The following MACF1 variants were observed in gnomAD, a reference collection of about 807,000 sequenced individuals.
MACF1 encodes the protein microtubule actin crosslinking factor 1.
A neutral mutation model predicts 854.8 loss-of-function variants in MACF1; 193 were observed. The ratio of observed to expected loss-of-function variants is 0.23; its 90% confidence interval spans 0.20 to 0.25. The LOEUF (loss-of-function observed/expected upper bound fraction) is 0.25. MACF1 is among the 10% of genes least tolerant of loss of function. The pLI, the probability that MACF1 is intolerant of heterozygous loss-of-function variation, is 1.00. For missense variants in MACF1, 7,722 were observed against 8,929.1 expected, an observed-to-expected ratio of 0.86 and a Z score of 5.45; for synonymous variants, 3,185 against 3,226.7, an observed-to-expected ratio of 0.99 and a Z score of 0.44.
chr1:39,444,335 CAA>C (rs917074995), intron 79 of MACF1, among the ~76,000 whole-genome samples: 1 of 133,566 alleles, frequency 7.5e-6, no homozygotes, highest in Non-Finnish European at 1.6e-5. Flanking sequence ...GACTCCATCT[CAA>C]AAAAAAAAAA....
At chr1:39,195,134 A>G (rs1644304840) in intron 2 of MACF1, among the ~76,000 whole-genome samples, 1 of 152,142 alleles carries the variant, frequency 6.6e-6, no homozygotes, top group African/African-American at 2.4e-5. Flanking sequence ...AGATGGTTCG[A>G]CACCCTTGTT....
intron 2 of MACF1, among the ~76,000 whole-genome samples, chr1:39,244,408 A>G (rs983059785): frequency 2.0e-5 from 3 of 151,916 alleles, no homozygotes; most frequent in Admixed American, 2.0e-4. Flanking sequence ...TAGCCTCCTA[A>G]GTAGCTGGGA....
chr1:39,418,545 A>G (rs1643414872), intron 58 of MACF1, among the ~76,000 whole-genome samples: 1 of 152,264 alleles, frequency 6.6e-6, no homozygotes, highest in Admixed American at 6.5e-5. Context: ...ACAGAAAAGA[A>G]TCAGTCAGGA....
intron 23 of MACF1, among the ~76,000 whole-genome samples, chr1:39,305,223 T>C (rs1422568592): frequency 2.0e-5 from 3 of 146,940 alleles, no homozygotes; most frequent in African/African-American, 7.6e-5. Context: ...ATAGTGCCAC[T>C]GCACTCCAGC....
chr1:39,291,097 C>T (rs1645774912), intron 15 of MACF1, among the ~76,000 whole-genome samples: 1 of 151,952 alleles, frequency 6.6e-6, no homozygotes, highest in South Asian at 2.1e-4. Flanking sequence ...CTGCCTCAGC[C>T]TCTCAAGTAG....
intron 2 of MACF1, among the ~76,000 whole-genome samples, chr1:39,247,717 A>C (rs1227051494): frequency 6.6e-6 from 1 of 152,218 alleles, no homozygotes; most frequent in Non-Finnish European, 1.5e-5. Context: ...TGATGGGGAA[A>C]ATGTTAATAT....
chr1:39,112,534 C>G (rs1642438117), intron 2 of MACF1, among the ~76,000 whole-genome samples: 1 of 152,048 alleles, frequency 6.6e-6, no homozygotes, highest in Non-Finnish European at 1.5e-5. Flanking sequence ...AAAAATTAGT[C>G]AGGCATGGTG....
chr1:39,455,150 A>G (rs1644410932), intron 89 of MACF1, 53 bp downstream of exon 89: 1 of 1,548,610 alleles, frequency 6.5e-7, no homozygotes, highest in Non-Finnish European at 8.9e-7. Flanking sequence ...GGGCATGGAG[A>G]CCATCTCTGT....
chr1:39,102,595 A>G, intron 2 of MACF1: 1 of 604,922 alleles, frequency 1.7e-6, no homozygotes, highest in Non-Finnish European at 2.9e-6. Context: ...TGAAAGAAAT[A>G]GAAAGTGGCA....
intron 2 of MACF1, among the ~76,000 whole-genome samples, chr1:39,098,866 C>T (rs1641998154): frequency 6.6e-6 from 1 of 152,152 alleles, no homozygotes; most frequent in African/African-American, 2.4e-5. Context: ...GCTTCTTACC[C>T]CAGAGCGGAT....
At chr1:39,372,097 G>A (rs1345348546) in intron 51 of MACF1, among the ~76,000 whole-genome samples, 1 of 152,124 alleles carries the variant, frequency 6.6e-6, no homozygotes, top group Non-Finnish European at 1.5e-5. Flanking sequence ...GGGATTACAG[G>A]TGTGAACCAC....
At chr1:39,167,887 AGAGAG>A (rs766191948) in intron 2 of MACF1, among the ~76,000 whole-genome samples, 8 of 139,924 alleles carry the variant, frequency 5.7e-5, no homozygotes, top group Admixed American at 1.4e-4. Context: ...AAAAAAAAAA[AGAGAG>A]AGAGAGAATT....
intron 15 of MACF1, among the ~76,000 whole-genome samples, chr1:39,289,725 T>TTTG (rs1645733985): frequency 7.6e-6 from 1 of 132,144 alleles, no homozygotes; most frequent in Admixed American, 7.8e-5. Flanking sequence ...TTTTTTTTTT[T>TTTG]GAGACAGAGT....
chr1:39,328,166 G>A (rs1448312462), intron 36 of MACF1, among the ~76,000 whole-genome samples: 1 of 152,158 alleles, frequency 6.6e-6, no homozygotes, highest in Non-Finnish European at 1.5e-5. Flanking sequence ...TAAATTTTGT[G>A]CAACAGGAGC....
In MACF1 at chr1:39,357,814, A is replaced by G. The variant is rs1435562226; in HGVS notation, c.11864A>G (p.Lys3955Arg). Residue 3955 changes from lysine (K) to arginine (R), a missense_variant, in exon 45 of 101, where the codon AAA becomes AGA. By Grantham distance (26) the Lys-to-Arg change is conservative. Coordinates refer to ENST00000564288, the MANE Select transcript of MACF1 (RefSeq NM_001394062.1). ...ATGGAAAACAGTTTTAAGGAAGGCAAAGAACCATCAGAAATTGGAAACTTA... is the reference window on the plus strand; with the variant it reads ...ATGGAAAACAGTTTTAAGGAAGGCAGAGAACCATCAGAAATTGGAAACTTA... ...LDMENSFKEG[K>R]EPSEIGNLVK... 4 of 1,614,068 alleles carry G rather than the reference A, an allele frequency of 2.5e-6. No homozygotes were observed. Among genetic ancestry groups the G allele is most frequent in the Non-Finnish European group, 3.4e-6 (4 of 1,180,040 alleles).
chr1:39,107,433 G>A (rs1642273654), intron 2 of MACF1, among the ~76,000 whole-genome samples: 2 of 151,998 alleles, frequency 1.3e-5, no homozygotes, highest in Admixed American at 6.6e-5. Context: ...TTTCTTGAGG[G>A]GAGGAATGAG....
At chr1:39,385,380 T>C in intron 56 of MACF1, 54 bp from the exon 57 acceptor site, 2 of 1,583,018 alleles carry the variant, frequency 1.3e-6, no homozygotes, top group Non-Finnish European at 1.7e-6. Flanking sequence ...ACACTGCTTT[T>C]AGATAGATCT....
At chr1:39,243,566 T>A (rs945352214) in intron 2 of MACF1, among the ~76,000 whole-genome samples, 3 of 152,178 alleles carry the variant, frequency 2.0e-5, no homozygotes, top group Admixed American at 6.5e-5. Context: ...CACACCTGGC[T>A]GACTTTTAAA....
intron 58 of MACF1, among the ~76,000 whole-genome samples, chr1:39,391,887 TG>T (rs1382315338): frequency 5.3e-5 from 8 of 152,226 alleles, no homozygotes; most frequent in Non-Finnish European, 8.8e-5. Context: ...ATGTGAAGGC[TG>T]GGACTGGACA....
Sources: gnomAD v4.1 joint callset for allele counts (sites outside exome capture counted in the v4.1 genomes callset) on GRCh38, gnomAD v4.1.1 for gene constraint, MANE v1.5 for transcripts, NCBI Gene and HGNC (gene_info 2026-07-23, HGNC 2026-07-21) for gene names.